Variants in PPARGC1A observed in about 807,000 individuals in gnomAD.
PPARGC1A encodes peroxisome proliferator-activated receptor gamma coactivator 1-alpha.
PPARGC1A carries 25 observed loss-of-function variants against 88.7 expected under a neutral mutation model. That is an observed-to-expected ratio of 0.28 (90% CI 0.21 to 0.39). PPARGC1A has a LOEUF of 0.39. Among genes scored for constraint, PPARGC1A ranks in the 10% least tolerant of loss-of-function variants. The pLI is 1.00. For missense variants in PPARGC1A, 880 were observed against 968.7 expected (o/e 0.91, Z 1.22); for synonymous variants, 363 against 355.6 (o/e 1.02, Z -0.24).
chr4:24,107,151 T>C, the PPARGC1A span, among the ~76,000 whole-genome samples: 1 of 152,226 alleles, frequency 6.6e-6, no homozygotes, highest in Non-Finnish European at 1.5e-5. Flanking sequence ...ATTAGGAAAT[T>C]GGATAATAAA....
At chr4:23,919,696 A>G in the PPARGC1A span, among the ~76,000 whole-genome samples, 2 of 152,184 alleles carry the variant, frequency 1.3e-5, no homozygotes. Context: ...TACTAATAGA[A>G]AATAGGATTT....
the PPARGC1A span, among the ~76,000 whole-genome samples, chr4:23,991,058 AAAGAG>A: frequency 2.6e-5 from 4 of 152,068 alleles, no homozygotes; most frequent in Non-Finnish European, 4.4e-5. Flanking sequence ...ATGAGAAAGA[AAAGAG>A]CTCTCTAGAA....
chr4:24,443,565 A>T, the PPARGC1A span, among the ~76,000 whole-genome samples: 1 of 148,862 alleles, frequency 6.7e-6, no homozygotes, highest in Non-Finnish European at 1.5e-5. Flanking sequence ...TTGTTTTTAT[A>T]TATTTATTGA....
the PPARGC1A span, among the ~76,000 whole-genome samples, chr4:24,256,029 T>C: frequency 1.3e-5 from 2 of 152,214 alleles, no homozygotes; most frequent in Non-Finnish European, 2.9e-5. Context: ...AATTACCTCA[T>C]TGGGATCTCA....
chr4:23,911,916 A>C, the PPARGC1A span, among the ~76,000 whole-genome samples: 2 of 152,344 alleles, frequency 1.3e-5, no homozygotes, highest in South Asian at 4.1e-4. Flanking sequence ...GAAACTAAAA[A>C]GCACCTGTTT....
chr4:24,127,406 A>G, the PPARGC1A span, among the ~76,000 whole-genome samples: 5 of 152,024 alleles, frequency 3.3e-5, no homozygotes, highest in African/African-American at 4.8e-5. Flanking sequence ...AGATTTTTTT[A>G]TCACTTCGAA....
chr4:24,079,230 GTAA>G, the PPARGC1A span, among the ~76,000 whole-genome samples: 1 of 151,998 alleles, frequency 6.6e-6, no homozygotes, highest in African/African-American at 2.4e-5. Context: ...CAGAAAGGCA[GTAA>G]TAAATCAGCA....
chr4:24,382,206 T>C, the PPARGC1A span, among the ~76,000 whole-genome samples: 2 of 152,172 alleles, frequency 1.3e-5, no homozygotes, highest in African/African-American at 4.8e-5. Flanking sequence ...ATTAACTTAA[T>C]GAAATAATGT....
At chr4:24,413,891 T>C in the PPARGC1A span, among the ~76,000 whole-genome samples, 2 of 152,180 alleles carry the variant, frequency 1.3e-5, no homozygotes, top group Non-Finnish European at 2.9e-5. Context: ...CCTTCCCATA[T>C]GTTAAATGTC....
At chr4:24,216,992 G>A in the PPARGC1A span, among the ~76,000 whole-genome samples, 78 of 152,302 alleles carry the variant, frequency 5.1e-4, 1 homozygote, top group African/African-American at 1.8e-3. Flanking sequence ...CACATAGTAG[G>A]TCATCACTAT....
chr4:23,889,744 T>G (rs1435966790), intron 1 of PPARGC1A, among the ~76,000 whole-genome samples, 160 bp downstream of exon 1: 1 of 152,168 alleles, frequency 6.6e-6, no homozygotes, highest in Non-Finnish European at 1.5e-5. Context: ...AATAGCAAAC[T>G]TATTGGAGTT....
the PPARGC1A span, among the ~76,000 whole-genome samples, chr4:24,018,836 T>G: frequency 4.0e-4 from 61 of 152,294 alleles, no homozygotes; most frequent in Non-Finnish European, 6.6e-4. Context: ...CATTTTAAAG[T>G]TTTCTTTTTT....
At chr4:24,261,899 T>C in the PPARGC1A span, among the ~76,000 whole-genome samples, 2 of 152,198 alleles carry the variant, frequency 1.3e-5, no homozygotes, top group African/African-American at 4.8e-5. Flanking sequence ...CAGATACAGA[T>C]GCACAATCTG....
chr4:24,124,303 G>C, the PPARGC1A span, among the ~76,000 whole-genome samples: 1 of 152,080 alleles, frequency 6.6e-6, no homozygotes, highest in Non-Finnish European at 1.5e-5. Context: ...AGCTTAGCTG[G>C]GATCACAAAT....
the PPARGC1A span, among the ~76,000 whole-genome samples, chr4:24,296,640 C>A: frequency 6.6e-6 from 1 of 152,118 alleles, no homozygotes; most frequent in African/African-American, 2.4e-5. Context: ...CTGTGTGTAT[C>A]TATGATGCAT....
the PPARGC1A span, among the ~76,000 whole-genome samples, chr4:23,990,872 G>C: frequency 6.6e-6 from 1 of 152,018 alleles, no homozygotes; most frequent in African/African-American, 2.4e-5. Flanking sequence ...GAGAGAGAAA[G>C]ATTCCTCTCC....
intron 2 of PPARGC1A, among the ~76,000 whole-genome samples, chr4:23,858,253 A>G (rs1173622218): frequency 6.6e-6 from 1 of 152,058 alleles, no homozygotes; most frequent in African/African-American, 2.4e-5. Flanking sequence ...TTTAACAACA[A>G]CCAACTAGAA....
At chr4:24,417,735 T>C in the PPARGC1A span, among the ~76,000 whole-genome samples, 1 of 152,182 alleles carries the variant, frequency 6.6e-6, no homozygotes, top group Non-Finnish European at 1.5e-5. Context: ...GATGTATACA[T>C]TATATTGAGT....
chr4:24,055,220 G>A, the PPARGC1A span, among the ~76,000 whole-genome samples: 1 of 152,316 alleles, frequency 6.6e-6, no homozygotes, highest in Admixed American at 6.5e-5. Flanking sequence ...TGTACTCTCT[G>A]ATTGTGAAAC....
Sources: allele counts gnomAD v4.1 joint callset (sites outside exome capture counted in the v4.1 genomes callset), GRCh38; gene constraint gnomAD v4.1.1; transcripts MANE v1.5; gene names NCBI Gene and HGNC (gene_info 2026-07-23, HGNC 2026-07-21).